Variants in HYCC1 observed in about 807,000 individuals in gnomAD.
HYCC1 encodes hyccin PI4KA lipid kinase complex subunit 1, also known as hyccin.
At chr7:22,924,357 C>T in the HYCC1 span, among the ~76,000 whole-genome samples, 1 of 152,206 alleles carries the variant, frequency 6.6e-6, no homozygotes, top group African/African-American at 2.4e-5. Context: ...GTGCAGCGCA[C>T]TGTGTGTGAG....
At chr7:22,972,174 T>A in the HYCC1 span, among the ~76,000 whole-genome samples, 1 of 152,154 alleles carries the variant, frequency 6.6e-6, no homozygotes, top group Non-Finnish European at 1.5e-5. Context: ...ATTTACTAGA[T>A]GATAGCAAAG....
chr7:22,961,433 C>T, the HYCC1 span: 1 of 636,146 alleles, frequency 1.6e-6, no homozygotes, highest in African/African-American at 1.9e-5. Flanking sequence ...TAGCACATTG[C>T]TTAACATTCT....
At chr7:22,937,825 G>T in the HYCC1 span, 1 of 152,158 alleles carries the variant, frequency 6.6e-6, no homozygotes, top group Non-Finnish European at 1.5e-5. Flanking sequence ...TAACAAGTGT[G>T]AACCAAGTGT....
chr7:22,899,624 C>T, the HYCC1 span, among the ~76,000 whole-genome samples: 6 of 152,174 alleles, frequency 3.9e-5, no homozygotes, highest in Admixed American at 6.5e-5. Context: ...GCCTGGTTTT[C>T]GCAAACCAAA....
At chr7:23,012,513 T>G in the HYCC1 span, among the ~76,000 whole-genome samples, 36 of 152,322 alleles carry the variant, frequency 2.4e-4, no homozygotes, top group African/African-American at 6.5e-4. Context: ...CCTAAATATG[T>G]GATGCTTTTC....
the HYCC1 span, among the ~76,000 whole-genome samples, chr7:22,918,107 T>C: frequency 6.6e-6 from 1 of 152,094 alleles, no homozygotes; most frequent in Non-Finnish European, 1.5e-5. Context: ...GCCTGGTATA[T>C]GACAATATAA....
the HYCC1 span, among the ~76,000 whole-genome samples, chr7:22,952,013 A>G: frequency 6.6e-6 from 1 of 151,966 alleles, no homozygotes; most frequent in Non-Finnish European, 1.5e-5. Flanking sequence ...CAACTTGCTC[A>G]CCCTATGTTA....
the HYCC1 span, chr7:22,936,359 G>A: frequency 2.0e-4 from 30 of 152,298 alleles, no homozygotes; most frequent in African/African-American, 7.2e-4. Context: ...TTGATGAAAG[G>A]AGGCCTGTAT....
chr7:22,961,207 C>T, the HYCC1 span: 5 of 1,388,354 alleles, frequency 3.6e-6, no homozygotes, highest in Non-Finnish European at 4.1e-6. Context: ...TAAATTATAA[C>T]ATTTACATAA....
chr7:22,919,445 C>T, the HYCC1 span, among the ~76,000 whole-genome samples: 1 of 152,060 alleles, frequency 6.6e-6, no homozygotes, highest in African/African-American at 2.4e-5. Flanking sequence ...AGAAGAATCA[C>T]TTGAACCCGG....
the HYCC1 span, among the ~76,000 whole-genome samples, chr7:22,950,842 C>T: frequency 1.3e-5 from 2 of 150,876 alleles, no homozygotes; most frequent in Non-Finnish European, 1.5e-5. Flanking sequence ...TTTGTTTTTC[C>T]CAGAACTTAA....
the HYCC1 span, among the ~76,000 whole-genome samples, chr7:22,966,192 T>C: frequency 6.6e-6 from 1 of 152,272 alleles, no homozygotes; most frequent in Admixed American, 6.5e-5. Flanking sequence ...AAAGTCATAG[T>C]TATCTCTGAT....
the HYCC1 span, among the ~76,000 whole-genome samples, chr7:22,908,541 C>T: frequency 1.3e-5 from 2 of 152,322 alleles, no homozygotes; most frequent in South Asian, 2.1e-4. Context: ...CATCTTTGAT[C>T]TACATCTTCT....
chr7:22,967,958 C>A, the HYCC1 span, among the ~76,000 whole-genome samples: 1 of 152,104 alleles, frequency 6.6e-6, no homozygotes, highest in African/African-American at 2.4e-5. Context: ...AAAAGCACTG[C>A]CATCCCTCTT....
At chr7:22,987,574 G>T in the HYCC1 span, among the ~76,000 whole-genome samples, 6 of 152,082 alleles carry the variant, frequency 3.9e-5, no homozygotes, top group African/African-American at 1.4e-4. Context: ...AAATACTAAT[G>T]AGAGTCCATA....
At chr7:22,971,055 G>C in the HYCC1 span, among the ~76,000 whole-genome samples, 2 of 151,950 alleles carry the variant, frequency 1.3e-5, no homozygotes, top group East Asian at 3.9e-4. Context: ...GCATCAATGT[G>C]TAAGTGAGAA....
At chr7:22,928,179 T>C in the HYCC1 span, among the ~76,000 whole-genome samples, 7 of 151,820 alleles carry the variant, frequency 4.6e-5, no homozygotes, top group African/African-American at 1.2e-4. Context: ...ATTGATGGGA[T>C]GTATCTCAAA....
chr7:22,904,020 T>C, the HYCC1 span, among the ~76,000 whole-genome samples: 2 of 152,178 alleles, frequency 1.3e-5, no homozygotes, highest in African/African-American at 4.8e-5. Flanking sequence ...AAACATACCA[T>C]AATATTCAAG....
At chr7:23,008,212 G>A in the HYCC1 span, among the ~76,000 whole-genome samples, 1 of 152,018 alleles carries the variant, frequency 6.6e-6, no homozygotes, top group Non-Finnish European at 1.5e-5. Context: ...TTAGAAAACA[G>A]TATACGAGAA....
Sources: gnomAD v4.1 joint callset for allele counts (sites outside exome capture counted in the v4.1 genomes callset) on GRCh38, gnomAD v4.1.1 for gene constraint, MANE v1.5 for transcripts, NCBI Gene and HGNC (gene_info 2026-07-23, HGNC 2026-07-21) for gene names.